SLIT3: variants seen among roughly 807,000 people sequenced by gnomAD.
SLIT3 encodes slit guidance ligand 3, also known as slit homolog 3 protein.
Under a neutral mutation model 184.0 loss-of-function variants are expected in SLIT3, and 68 were observed. The ratio of observed to expected loss-of-function variants is 0.37; its 90% CI spans 0.30 to 0.45. SLIT3 has a LOEUF of 0.45. SLIT3 is among the 20% of genes least tolerant of loss of function. SLIT3 has a pLI of 1.00. For synonymous variants in SLIT3, 831 were observed against 828.6 expected (o/e 1.00, Z -0.05); for missense variants, 1,707 against 2,026.0 (o/e 0.84, Z 3.02).
chr5:168,708,446 G>A (rs1762443310), intron 25 of SLIT3: 1 of 324,192 alleles, frequency 3.1e-6, no homozygotes, highest in African/African-American at 2.1e-5. Flanking sequence ...GGAAGCTCTG[G>A]GCCCAGGCTC....
At position 169,300,881 on chromosome 5, in the gene SLIT3, C is replaced by A. The variant is rs866271582; in HGVS notation, c.-172G>T. On this transcript the variant is annotated 5_prime_UTR_variant, in exon 1 of 36. Transcript: ENST00000519560. This position sits in a 1 kb window ranked among gnomAD's most constrained non-coding sequence, Gnocchi z 4.1. ...CGGGGCGCGGGCGGAGCGGGGCGCTCCGGGCGGCGGCGGCGGCAGCAACAG... is the reference window on the plus strand; with the variant it reads ...CGGGGCGCGGGCGGAGCGGGGCGCTACGGGCGGCGGCGGCGGCAGCAACAG... 12 of 478,156 alleles carry A rather than the reference C, an allele frequency of 2.5e-5. No individual in the cohort carries two copies. The highest frequency in any genetic ancestry group is 3.7e-5 in the Non-Finnish European group (12 of 324,766). The allele number at this position is 478,156 out of a possible 1,614,324, so 29.6% of individuals were successfully genotyped here. A position where few individuals can be genotyped will look rare whatever the true frequency, so the allele number is the denominator to read the frequency against.
At position 169,122,266 on chromosome 5, in the gene SLIT3, C is replaced by T. The variant is rs543184746; in HGVS notation, c.413+71213G>A. ...ATACAAGCCAAGGTCTCAGACCACA[C>T]TCTCGAGAGGAGAACCAAGAATAAC... On this transcript the variant is annotated intron_variant, in intron 4 of 35. Transcript: ENST00000519560. 2.0e-5 allele frequency among the ~76,000 whole-genome samples: 3 copies of T among 152,322 alleles called. No individual in the cohort carries two copies. The East Asian group carries it at 5.8e-4, about 29-fold the overall frequency.
intron 1 of SLIT3, among the ~76,000 whole-genome samples, chr5:169,299,617 AC>A (rs1489105382): frequency 3.3e-5 from 5 of 151,614 alleles, no homozygotes; most frequent in Non-Finnish European, 5.9e-5. Flanking sequence ...AGAGGAGCCC[AC>A]CCCGGAGTCC....
Position 169,187,058 on chromosome 5 carries a change from GAATA to G in SLIT3, c.413+6417_413+6420del, listed in dbSNP as rs1420381472. 6.3e-5 allele frequency among the ~76,000 whole-genome samples: 9 copies of G among 143,866 alleles called. No homozygotes were observed. The Admixed American group carries it at 6.3e-4, about 10-fold the overall frequency. 94.4% of individuals were successfully genotyped at this position (143,866 alleles called of 152,430 possible). ...CAAATACCTCGTATAACTGAATGGA[GAATA>G]AATAAGTCCTCCATCTGGCTGTGAG... On this transcript the variant is annotated intron_variant, in intron 4 of 35. Transcript: ENST00000519560.
At chr5:168,896,871 G>A (rs1760681835) in intron 4 of SLIT3, among the ~76,000 whole-genome samples, 1 of 152,202 alleles carries the variant, frequency 6.6e-6, no homozygotes, top group Non-Finnish European at 1.5e-5. Flanking sequence ...TGTTGGTCCA[G>A]CCACTTCTGT....
intron 1 of SLIT3, among the ~76,000 whole-genome samples, chr5:169,274,913 C>T (rs1363684973): frequency 2.0e-5 from 3 of 152,184 alleles, no homozygotes; most frequent in Non-Finnish European, 4.4e-5. Flanking sequence ...TAGGTTCAAC[C>T]TCATAGGGTT....
At chr5:169,093,531 G>A (rs1759666420) in intron 4 of SLIT3, among the ~76,000 whole-genome samples, 1 of 152,208 alleles carries the variant, frequency 6.6e-6, no homozygotes. Context: ...TGAGGGTCGA[G>A]TTGATCATTC....
At chr5:168,997,334 C>T (rs1029687346) in intron 4 of SLIT3, among the ~76,000 whole-genome samples, 1 of 152,102 alleles carries the variant, frequency 6.6e-6, no homozygotes, top group Non-Finnish European at 1.5e-5. Context: ...CTACCCCATC[C>T]CCCCACTTTA....
chr5:168,701,744 T>G (rs868644909), intron 26 of SLIT3, among the ~76,000 whole-genome samples: 1 of 152,232 alleles, frequency 6.6e-6, no homozygotes, highest in African/African-American at 2.4e-5. Flanking sequence ...AGGTGACTGC[T>G]GCATCCTTTC....
intron 14 of SLIT3, among the ~76,000 whole-genome samples, chr5:168,764,512 G>C (rs1755264222): frequency 1.3e-5 from 2 of 152,150 alleles, no homozygotes; most frequent in Non-Finnish European, 2.9e-5. Flanking sequence ...ATTTGGTGCA[G>C]GTGGATTGAA....
At chr5:169,233,470 G>C (rs1298968818) in intron 3 of SLIT3, among the ~76,000 whole-genome samples, 1 of 148,270 alleles carries the variant, frequency 6.7e-6, no homozygotes, top group East Asian at 2.0e-4. Context: ...TAAGAATTCT[G>C]ATAGTTAGGA....
chr5:169,054,573 C>G (rs1333394566), intron 4 of SLIT3, among the ~76,000 whole-genome samples: 4 of 152,200 alleles, frequency 2.6e-5, no homozygotes, highest in East Asian at 3.9e-4. Flanking sequence ...AGTGATCTTC[C>G]CAAAACGCAA....
At chr5:168,775,513 A>C (rs1005998563) in intron 12 of SLIT3, among the ~76,000 whole-genome samples, 4 of 149,316 alleles carry the variant, frequency 2.7e-5, no homozygotes, top group Non-Finnish European at 4.4e-5. Context: ...CCCTCACTCC[A>C]TTATCGTCTC....
chr5:168,797,845 C>T (rs776048457), intron 9 of SLIT3, among the ~76,000 whole-genome samples: 29 of 152,250 alleles, frequency 1.9e-4, no homozygotes, highest in African/African-American at 4.6e-4. Flanking sequence ...GGGCCAGGAA[C>T]GGGCAGAACT....
intron 2 of SLIT3, among the ~76,000 whole-genome samples, chr5:169,248,361 G>T (rs1765667896): frequency 6.6e-6 from 1 of 151,998 alleles, no homozygotes; most frequent in Non-Finnish European, 1.5e-5. Context: ...TCACATTCCA[G>T]CCTAGAACCT....
chr5:169,100,554 T>C (rs1759970593), intron 4 of SLIT3, among the ~76,000 whole-genome samples: 1 of 152,146 alleles, frequency 6.6e-6, no homozygotes, highest in African/African-American at 2.4e-5. Context: ...GAGAGATTGG[T>C]GCTTCAACCA....
At position 168,844,618 on chromosome 5, in the gene SLIT3, C is replaced by T. The variant is rs1581138512; in HGVS notation, c.523G>A (p.Gly175Arg). Residue 175 changes from glycine (G) to arginine (R), a missense_variant, in exon 6 of 36, where the codon GGA becomes AGA. Physicochemically the swap from Gly to Arg is moderately radical, Grantham distance 125. Around this residue, in one of 3 missense-constraint regions of SLIT3, gnomAD observed 1,307 missense variants for 1,511.6 expected, o/e 0.86. Coordinates refer to ENST00000519560, the MANE Select transcript of SLIT3 (RefSeq NM_003062.4). ...AAATCGCGCAGCGCTCGGAAGGCTC[C>T]ATCTTCAATGCAGCTGATGTGGTTG... ...DNNHISCIED[G>R]AFRALRDLEI... is the part of the protein sequence containing the mutation. The T allele has an allele frequency of 1.7e-5, 28 of 1,614,220 alleles. No homozygotes were observed. The highest frequency in any genetic ancestry group is 2.3e-5 in the Non-Finnish European group (27 of 1,180,050).
intron 1 of SLIT3, among the ~76,000 whole-genome samples, chr5:169,297,230 G>C (rs945862323): frequency 6.6e-6 from 1 of 152,168 alleles, no homozygotes; most frequent in Non-Finnish European, 1.5e-5. Flanking sequence ...TCATGGAGGG[G>C]GAAAAATTGT....
chr5:169,209,819 T>C (rs1483026082), intron 3 of SLIT3, among the ~76,000 whole-genome samples: 1 of 151,964 alleles, frequency 6.6e-6, no homozygotes. Flanking sequence ...AGGGGAGGGA[T>C]AGCATTAAGA....
Sources: allele counts gnomAD v4.1 joint callset (sites outside exome capture counted in the v4.1 genomes callset), GRCh38; gene constraint gnomAD v4.1.1; regional missense constraint gnomAD v4.1.1; non-coding constraint Gnocchi (gnomAD v3.1); transcripts MANE v1.5; gene names NCBI Gene and HGNC (gene_info 2026-07-23, HGNC 2026-07-21).